The following GNL3 variants were observed in gnomAD, a reference collection of about 807,000 sequenced individuals.
GNL3 encodes guanine nucleotide-binding protein-like 3.
A neutral mutation model predicts 70.6 loss-of-function variants in GNL3; 77 were observed. That is an observed-to-expected ratio of 1.09 (90% CI 0.91 to 1.32). The LOEUF (loss-of-function observed/expected upper bound fraction) is 1.32. GNL3 is among the 40% of genes most tolerant of loss of function. The pLI is 0.00. For missense variants in GNL3, 634 were observed against 644.0 expected, an observed-to-expected ratio of 0.98 and a Z score of 0.17; for synonymous variants, 252 against 216.1, an observed-to-expected ratio of 1.17 and a Z score of -1.46.
intron 1 of GNL3, 186 bp downstream of exon 1, chr3:52,686,291 G>T: frequency 1.6e-6 from 1 of 644,362 alleles, no homozygotes; most frequent in Non-Finnish European, 2.7e-6. Context: ...CATGTTAACC[G>T]CGCGGGCTCA....
chr3:52,692,255 C>T (rs1237992659), intron 9 of GNL3, among the ~76,000 whole-genome samples: 1 of 152,118 alleles, frequency 6.6e-6, no homozygotes, highest in Non-Finnish European at 1.5e-5. Context: ...TCACTGTTGG[C>T]CAGGCTAGCC....
upstream of GNL3, chr3:52,685,948 C>CG: frequency 1.4e-6 from 1 of 723,896 alleles, no homozygotes; most frequent in Non-Finnish European, 2.6e-6. Flanking sequence ...CTGCTCCGCG[C>CG]GACACTGCGT....
rs535197454 is a variant in GNL3, at chr3:52,693,863, A to G, written c.1500+56A>G. 1.0e-4 allele frequency: 151 copies of G among 1,461,084 alleles called. 2 individuals carry two copies. The African/African-American group carries it at 1.9e-3, about 19-fold the overall frequency. 90.5% of individuals were successfully genotyped at this position (1,461,084 alleles called of 1,614,324 possible). On this transcript the variant is annotated intron_variant, in intron 13 of 14. Transcript: ENST00000418458. ...AGTGAGTTTTCTAGCATTATAATAC[A>G]TAATGGAAGGAACTGAAGATAGGAA...
rs548097071 is a variant in GNL3, at chr3:52,688,348, C to G, written c.408+156C>G. ...GTTTGCTGTACAGATTATTTCATCA[C>G]CCAGGTATTAAGCCTAGTACGACAT... On this transcript the variant is annotated intron_variant, in intron 5 of 14. Coordinates refer to ENST00000418458, the MANE Select transcript of GNL3 (RefSeq NM_014366.5). 23 of 565,532 alleles carry G rather than the reference C, an allele frequency of 4.1e-5. No individual in the cohort carries two copies. The African/African-American group carries it at 4.3e-4, about 11-fold the overall frequency. The allele number at this position is 565,532 out of a possible 1,614,324, so 35.0% of individuals were successfully genotyped here. A position where few individuals can be genotyped will look rare whatever the true frequency, so the allele number is the denominator to read the frequency against.
chr3:52,686,068 G>C lies in GNL3; in HGVS notation c.-25G>C, dbSNP rs376018985. The C allele has an allele frequency of 8.2e-6, 9 of 1,093,244 alleles. No homozygotes were observed. Among genetic ancestry groups the C allele is most frequent in the Middle Eastern group, 2.0e-4 (1 of 5,102 alleles). 67.7% of individuals were successfully genotyped at this position (1,093,244 alleles called of 1,614,324 possible). A position where few individuals can be genotyped will look rare whatever the true frequency, so the allele number is the denominator to read the frequency against. Reference sequence around the variant, plus strand: ...GGCGCCAGCGGAGGCAGGTTGATGTGTTTGTGCTTCCTTCTACAGCCAATA... The same window carrying C: ...GGCGCCAGCGGAGGCAGGTTGATGTCTTTGTGCTTCCTTCTACAGCCAATA... On this transcript the variant is annotated 5_prime_UTR_variant, in exon 1 of 15. Transcript: ENST00000418458.
intron 13 of GNL3, 65 bp from the exon 14 acceptor site, chr3:52,693,971 TA>T: frequency 7.0e-7 from 1 of 1,431,536 alleles, no homozygotes; most frequent in Admixed American, 1.7e-5. Context: ...TTCAGGTACA[TA>T]ACTACTTGGA....
rs2097328678 is a variant in GNL3, at chr3:52,692,853, T to TC, written c.870-17dup. 1.5e-5 allele frequency: 24 copies of TC among 1,601,078 alleles called. No homozygotes were observed. The highest frequency in any genetic ancestry group is 2.0e-5 in the Non-Finnish European group (24 of 1,171,136). The stretch of plus-strand genomic sequence containing the variant: ...CAAATAGACCAATGCCCCCATCAAT[T>TC]CCATCGCTCTTCTTTCAGGAGCATG... On this transcript the variant is annotated intron_variant, in intron 9 of 14. Coordinates refer to ENST00000418458, the MANE Select transcript of GNL3 (RefSeq NM_014366.5).
chr3:52,693,710 A>G lies in GNL3; in HGVS notation c.1403A>G (p.Asp468Gly), dbSNP rs574153008. The G allele has an allele frequency of 6.1e-5, 99 of 1,613,994 alleles. 2 individuals carry two copies. The South Asian group carries it at 1.0e-3, about 16-fold the overall frequency. The change falls in exon 13 of 15, where the codon GAC (aspartate) becomes GGC (glycine). Residue 468 changes from aspartate to glycine, a missense_variant. Transcript: ENST00000418458. Reference protein sequence around the residue: ...GLTNGIIEEKDIHEELPKRKE... With the variant: ...GLTNGIIEEKGIHEELPKRKE... The stretch of plus-strand genomic sequence containing the variant: ...ACAAATGGAATAATAGAAGAAAAGG[A>G]CATACATGAAGAATTGCCAAAACGG...
intron 5 of GNL3, among the ~76,000 whole-genome samples, chr3:52,688,436 C>T (rs1324757988): frequency 6.6e-6 from 1 of 152,160 alleles, no homozygotes; most frequent in Non-Finnish European, 1.5e-5. Context: ...TTTCGTGACT[C>T]GACTCTAGCT....
upstream of GNL3, chr3:52,686,028 C>G (rs1406149495): frequency 1.2e-6 from 1 of 831,584 alleles, no homozygotes; most frequent in Non-Finnish European, 2.1e-6. Context: ...TCGTCAGTGG[C>G]TTCAGTTCAC....
intron 6 of GNL3, among the ~76,000 whole-genome samples, chr3:52,690,195 G>A (rs2097325931): frequency 6.6e-6 from 1 of 152,206 alleles, no homozygotes; most frequent in African/African-American, 2.4e-5. Flanking sequence ...GTAAACCAGA[G>A]TAAAATCTAT....
rs1275440870 is a variant in GNL3 at position 52,691,563 on chromosome 3, G to A, written c.803G>A (p.Ser268Asn). 6.3e-7 allele frequency: 1 copy of A among 1,594,424 alleles called. No homozygotes were observed. The highest frequency in any genetic ancestry group is 1.3e-5 in the African/African-American group (1 of 74,608). Reference protein sequence around the residue: ...GVIGFPNVGKSSIINSLKQEQ... With the variant: ...GVIGFPNVGKNSIINSLKQEQ... Reference sequence around the variant, plus strand: ...GTAGGTTTCCCAAATGTGGGGAAAAGCAGCATTATCAATAGCTTAAAACAA... The same window carrying A: ...GTAGGTTTCCCAAATGTGGGGAAAAACAGCATTATCAATAGCTTAAAACAA... Residue 268 changes from serine to asparagine, a missense_variant, in exon 9 of 15, where the codon AGC becomes AAC. Ser to Asn is a conservative substitution (Grantham distance 46). Coordinates refer to ENST00000418458, the MANE Select transcript of GNL3 (RefSeq NM_014366.5).
intron 4 of GNL3, 92 bp downstream of exon 4, chr3:52,687,707 A>G (rs2097322852): frequency 9.6e-6 from 7 of 730,486 alleles, no homozygotes; most frequent in Non-Finnish European, 1.7e-5. Flanking sequence ...ATCACAACTC[A>G]CTGCAACCTG....
In GNL3 at chr3:52,694,439, A is replaced by T. The variant is rs1336910183; in HGVS notation, c.*164A>T. On this transcript the variant is annotated 3_prime_UTR_variant, in exon 15 of 15. Transcript: ENST00000418458. ...CCTAAATTCTGTAAAAAGACAATTC[A>T]TCTCATTGTGAGTGGAAGTAGTTAT... is the stretch of plus-strand genomic sequence containing the variant. 1 of 588,542 alleles carries T rather than the reference A, an allele frequency of 1.7e-6. No individual in the cohort carries two copies. The highest frequency in any genetic ancestry group is 3.0e-6 in the Non-Finnish European group (1 of 331,200). 36.5% of individuals were successfully genotyped at this position (588,542 alleles called of 1,614,324 possible).
intron 2 of GNL3, 94 bp from the exon 3 acceptor site, chr3:52,687,152 A>C (rs2097317510): frequency 2.9e-6 from 3 of 1,028,470 alleles, no homozygotes; most frequent in East Asian, 4.8e-5. Flanking sequence ...TTTTATAGGC[A>C]TAACTAAATT....
At chr3:52,689,843 T>C (rs932565597) in intron 6 of GNL3, among the ~76,000 whole-genome samples, 1 of 152,116 alleles carries the variant, frequency 6.6e-6, no homozygotes, top group Admixed American at 6.5e-5. Flanking sequence ...TCCCAGCTAC[T>C]CGGAAGGCTG....
chr3:52,686,471 C>T (rs2097312436), intron 1 of GNL3: 2 of 570,204 alleles, frequency 3.5e-6, no homozygotes, highest in East Asian at 5.9e-5. Flanking sequence ...CCTCTCCTGC[C>T]TTATGATTCG....
In GNL3 at chr3:52,688,132, GAAC is replaced by G; in HGVS notation, c.351_353del (p.Asn117del). ...AGGAGTTTGGGCTTTGCAAAACTGA[GAAC>G]AAAGCCAAGTCGGGCAAACAGAATT... On this transcript the variant is annotated inframe_deletion, in exon 5 of 15. Coordinates refer to ENST00000418458, the MANE Select transcript of GNL3 (RefSeq NM_014366.5). 6.2e-7 allele frequency: 1 copy of G among 1,610,704 alleles called. No individual in the cohort carries two copies. Among genetic ancestry groups the G allele is most frequent in the Non-Finnish European group, 8.5e-7 (1 of 1,176,840 alleles).
intron 7 of GNL3, 81 bp from the exon 8 acceptor site, chr3:52,690,864 G>T: frequency 7.1e-7 from 1 of 1,402,272 alleles, no homozygotes; most frequent in Non-Finnish European, 1.0e-6. Flanking sequence ...TTAAGAGCTG[G>T]GCTCTGGAGC....
Sources: allele counts gnomAD v4.1 joint callset (sites outside exome capture counted in the v4.1 genomes callset), GRCh38; gene constraint gnomAD v4.1.1; transcripts MANE v1.5; gene names NCBI Gene and HGNC (gene_info 2026-07-23, HGNC 2026-07-21).